The following DYNC1H1 variants were observed in gnomAD, a reference collection of about 807,000 sequenced individuals.
DYNC1H1 encodes the protein cytoplasmic dynein 1 heavy chain 1.
In DYNC1H1, 51 loss-of-function variants were observed where a neutral mutation model predicts 527.1. The observed-to-expected ratio is 0.10, with a 90% CI of 0.08 to 0.12. The LOEUF is 0.12. DYNC1H1 is among the 10% of genes least tolerant of loss of function. The probability of loss-of-function intolerance (pLI) is 1.00; values close to 1 mark genes in which losing one functional copy is unlikely to be tolerated. For missense variants in DYNC1H1, 2,771 were observed against 5,971.8 expected (o/e 0.46, Z 17.66); for synonymous variants, 2,189 against 2,278.8 (o/e 0.96, Z 1.12).
In DYNC1H1 at chr14:101,964,616, T is replaced by G. The variant is rs2047640406; in HGVS notation, c.-76T>G. The G allele has an allele frequency of 1.6e-3, 2,416 of 1,479,196 alleles. No homozygotes were observed. Among genetic ancestry groups the G allele is most frequent in the East Asian group, 5.9e-3 (217 of 36,708 alleles). 91.6% of individuals were successfully genotyped at this position (1,479,196 alleles called of 1,614,324 possible). A position where few individuals can be genotyped will look rare whatever the true frequency, so the allele number is the denominator to read the frequency against. ...GGACGGTCCGGCTTCCGGCGGCCGT[T>G]TCTGTCTCTTGCTGGCTGTCTCGCT... On this transcript the variant is annotated 5_prime_UTR_variant, in exon 1 of 78. Coordinates refer to ENST00000360184, the MANE Select transcript of DYNC1H1 (RefSeq NM_001376.5). The surrounding 1 kb of genome is among the most constrained non-coding windows in gnomAD (Gnocchi z 5.5).
chr14:101,964,639 G>A lies in DYNC1H1; in HGVS notation c.-53G>A, dbSNP rs2273436. The A allele has an allele frequency of 3.5e-3, 5,428 of 1,545,398 alleles. 117 individuals carry two copies. The Admixed American group carries it at 0.039, about 11-fold the overall frequency. On this transcript the variant is annotated 5_prime_UTR_variant, in exon 1 of 78. Transcript: ENST00000360184. The surrounding 1 kb of genome is among the most constrained non-coding windows in gnomAD (Gnocchi z 5.5). Reference sequence around the variant, plus strand: ...GTTTCTGTCTCTTGCTGGCTGTCTCGCTGAGTCGCGGCCGCCTTCTCATCG... The same window carrying A: ...GTTTCTGTCTCTTGCTGGCTGTCTCACTGAGTCGCGGCCGCCTTCTCATCG...
At chr14:102,022,562 A>C (rs752354621) in intron 42 of DYNC1H1, among the ~76,000 whole-genome samples, 189 bp from the exon 43 acceptor site, 8 of 152,160 alleles carry the variant, frequency 5.3e-5, no homozygotes, top group Non-Finnish European at 1.0e-4. Context: ...ATAAATAAAT[A>C]AAATTTCAGG....
chr14:101,987,350 C>T lies in DYNC1H1; in HGVS notation c.2539-103C>T, dbSNP rs764830030. On this transcript the variant is annotated intron_variant, in intron 8 of 77. Transcript: ENST00000360184. The stretch of plus-strand genomic sequence containing the variant: ...TTAGCTACTTATGGAAGAACTGTGC[C>T]TGGAGCATTTGTCAATGTATAATAT... 1.8e-5 allele frequency: 23 copies of T among 1,292,360 alleles called. 1 individual carries two copies. The highest frequency in any genetic ancestry group is 2.5e-5 in the Non-Finnish European group (23 of 921,202). 80.1% of individuals were successfully genotyped at this position (1,292,360 alleles called of 1,614,324 possible). A position where few individuals can be genotyped will look rare whatever the true frequency, so the allele number is the denominator to read the frequency against.
chr14:101,970,450 A>AT (rs2047720316), intron 1 of DYNC1H1, among the ~76,000 whole-genome samples: 1 of 134,474 alleles, frequency 7.4e-6, no homozygotes. Context: ...ATAATGTGGT[A>AT]TTAGTATGTT....
chr14:102,050,909 T>G lies in DYNC1H1; in HGVS notation c.*346T>G, dbSNP rs905556415. The G allele has an allele frequency of 8.1e-6, 3 of 368,322 alleles. No homozygotes were observed. The highest frequency in any genetic ancestry group is 2.2e-5 in the South Asian group (1 of 44,950). 22.8% of individuals were successfully genotyped at this position (368,322 alleles called of 1,614,324 possible). ...GCCCCTCCCCACCTCGCTTTCATCA[T>G]GAGCTCGCTCCCGAGCGGCCACAGC... On this transcript the variant is annotated 3_prime_UTR_variant, in exon 78 of 78. Coordinates refer to ENST00000360184, the MANE Select transcript of DYNC1H1 (RefSeq NM_001376.5).
rs1462780464 is a variant in DYNC1H1 at position 102,026,570 on chromosome 14, A to G, written c.8638-4A>G. On this transcript the variant is annotated splice_region_variant and splice_polypyrimidine_tract_variant and intron_variant, in intron 43 of 77. Coordinates refer to ENST00000360184, the MANE Select transcript of DYNC1H1 (RefSeq NM_001376.5). ...TAATTTGGGTATTACCTTTTTTTCT[A>G]TAGGATTACATCCCAGTAGACCAAG... 1 of 1,613,060 alleles carries G rather than the reference A, an allele frequency of 6.2e-7. No individual in the cohort carries two copies. Among genetic ancestry groups the G allele is most frequent in the Non-Finnish European group, 8.5e-7 (1 of 1,179,752 alleles).
chr14:102,000,203 A>C, intron 17 of DYNC1H1, 59 bp downstream of exon 17: 5 of 1,614,104 alleles, frequency 3.1e-6, no homozygotes, highest in Non-Finnish European at 4.2e-6. Flanking sequence ...TCTGCCATTG[A>C]CTTTGTTCAT....
intron 1 of DYNC1H1, among the ~76,000 whole-genome samples, chr14:101,970,730 G>T (rs1411985680): frequency 3.9e-5 from 6 of 152,038 alleles, no homozygotes; most frequent in Admixed American, 2.6e-4. Flanking sequence ...TGATCCGCCC[G>T]CCTCAGCCTC....
Position 102,044,596 on chromosome 14 carries a change from C to A in DYNC1H1, c.12904C>A (p.Arg4302=). ...KDIQMPDGIR[R]EEFVQWVELL... The stretch of plus-strand genomic sequence containing the variant: ...TTTCCAAATGCACTGGTTTTCTAGG[C>A]GAGAGGAGTTTGTGCAGTGGGTGGA... Residue 4302 remains arginine (R), a splice_region_variant and synonymous_variant, in exon 72 of 78, where the codon CGA becomes AGA. Coordinates refer to ENST00000360184, the MANE Select transcript of DYNC1H1 (RefSeq NM_001376.5). The surrounding 1 kb of genome is among the most constrained non-coding windows in gnomAD (Gnocchi z 7.1). 2 of 1,614,162 alleles carry A rather than the reference C, an allele frequency of 1.2e-6. No individual in the cohort carries two copies. Among genetic ancestry groups the A allele is most frequent in the Non-Finnish European group, 1.7e-6 (2 of 1,180,032 alleles).
chr14:101,987,779 T>C, intron 9 of DYNC1H1, 147 bp downstream of exon 9: 1 of 983,528 alleles, frequency 1.0e-6, no homozygotes, highest in Non-Finnish European at 1.5e-6. Flanking sequence ...TAACTAGTGA[T>C]AGAACTGAAT....
intron 57 of DYNC1H1, chr14:102,037,440 AAG>A (rs2048590903): frequency 1.3e-5 from 2 of 152,012 alleles, no homozygotes; most frequent in African/African-American, 2.4e-5. Context: ...AAAAAAAAAA[AAG>A]AACAAGAAAA....
chr14:101,967,777 G>A (rs764253913), intron 1 of DYNC1H1, among the ~76,000 whole-genome samples: 11 of 152,120 alleles, frequency 7.2e-5, no homozygotes, highest in Non-Finnish European at 1.5e-4. Flanking sequence ...TGGTGAACTA[G>A]GATCACACCA....
At position 102,000,149 on chromosome 14, in the gene DYNC1H1, G is replaced by C. The variant is rs1318814670; in HGVS notation, c.3960+5G>C. On this transcript the variant is annotated splice_donor_5th_base_variant and intron_variant, in intron 17 of 77. Transcript: ENST00000360184. ...GGCAGTGAAGAGCGCGTGCAGGTAT[G>C]AACCACTGGGGAGTGGGTGGAGAAT... 10 of 1,614,160 alleles carry C rather than the reference G, an allele frequency of 6.2e-6. No homozygotes were observed. In the South Asian group the frequency reaches 1.1e-4, roughly 18 times the overall value.
chr14:101,996,736 C>G (rs2048067060), intron 15 of DYNC1H1, among the ~76,000 whole-genome samples: 1 of 152,162 alleles, frequency 6.6e-6, no homozygotes, highest in South Asian at 2.1e-4. Context: ...ATCCTCCCAC[C>G]TCAGTCTCTT....
Position 102,052,312 on chromosome 14 carries a change from T to C in DYNC1H1, c.*1749T>C, listed in dbSNP as rs1050025608. 3 of 152,314 alleles carry C rather than the reference T, an allele frequency of 2.0e-5. No homozygotes were observed. The highest frequency in any genetic ancestry group is 7.2e-5 in the African/African-American group (3 of 41,426). The allele number at this position is 152,314 out of a possible 1,614,324, so 9.4% of individuals were successfully genotyped here. On this transcript the variant is annotated 3_prime_UTR_variant, in exon 78 of 78. Transcript: ENST00000360184. ...CCATGTCGGCTAATTTTTGTATCTT[T>C]TGTAGAGACAAGGTTTCACCATGTT...
At chr14:101,994,906 G>T (rs2048040895) in intron 13 of DYNC1H1, 57 bp downstream of exon 13, 2 of 1,613,836 alleles carry the variant, frequency 1.2e-6, no homozygotes, top group African/African-American at 2.7e-5. Flanking sequence ...CAACATTTCT[G>T]TTAGACTGAT....
At position 102,042,463 on chromosome 14, in the gene DYNC1H1, C is replaced by A. The variant is rs139284699; in HGVS notation, c.12355C>A (p.His4119Asn). 3.7e-6 allele frequency: 6 copies of A among 1,614,046 alleles called. No individual in the cohort carries two copies. In the African/African-American group the frequency reaches 8.0e-5, roughly 22 times the overall value. The change falls in exon 68 of 78, where the codon CAT becomes AAT. Residue 4119 changes from histidine to asparagine, a missense_variant. This residue lies in a region of DYNC1H1 where 195 missense variants were observed against 428.6 expected (regional missense o/e 0.45). Transcript: ENST00000360184. This position sits in a 1 kb window ranked among gnomAD's most constrained non-coding sequence, Gnocchi z 5.7. The part of the protein sequence containing the change: ...LEKKLHSLQP[H>N]ACFRLFLTME... ...GAAGAAGTTGCATTCCCTGCAGCCG[C>A]ATGCCTGCTTCCGACTCTTCCTCAC... is the stretch of plus-strand genomic sequence containing the variant.
At chr14:101,984,445 ATTATATTT>A (rs2047907987) in intron 7 of DYNC1H1, among the ~76,000 whole-genome samples, 3 of 92,850 alleles carry the variant, frequency 3.2e-5, no homozygotes, top group African/African-American at 1.2e-4. Flanking sequence ...ATATATATAT[ATTATATTT>A]TTTTTTTTTT....
At chr14:101,984,445 A>ATTTTTTTTTTTTTTTTTT (rs1444213016) in intron 7 of DYNC1H1, among the ~76,000 whole-genome samples, 2 of 92,874 alleles carry the variant, frequency 2.2e-5, no homozygotes, top group African/African-American at 1.2e-4. Context: ...ATATATATAT[A>ATTTTTTTTTTTTTTTTTT]TTATATTTTT....
Sources: gnomAD v4.1 joint callset for allele counts (sites outside exome capture counted in the v4.1 genomes callset) on GRCh38, gnomAD v4.1.1 for gene constraint, gnomAD v4.1.1 regional missense constraint, Gnocchi (gnomAD v3.1) non-coding constraint, MANE v1.5 for transcripts, NCBI Gene and HGNC (gene_info 2026-07-23, HGNC 2026-07-21) for gene names.